The following S100Z variants were observed in gnomAD, a reference collection of about 807,000 sequenced individuals.
The protein encoded by S100Z is S100 calcium binding protein Z, also known as protein S100-Z.
Under a neutral mutation model 8.5 loss-of-function variants are expected in S100Z, and 11 were observed. The observed-to-expected ratio is 1.30, with a 90% CI of 0.82 to 2.15. S100Z has a LOEUF of 2.15. Among genes scored for constraint, S100Z ranks in the 30% most tolerant of loss-of-function variants. The probability of loss-of-function intolerance (pLI) is 0.00; values close to 1 mark genes in which losing one functional copy is unlikely to be tolerated. For missense variants in S100Z, 126 were observed against 117.9 expected, an observed-to-expected ratio of 1.07 and a Z score of -0.32; for synonymous variants, 34 against 43.8, an observed-to-expected ratio of 0.78 and a Z score of 0.89.
the S100Z span, among the ~76,000 whole-genome samples, chr5:76,948,129 C>T: frequency 5.3e-5 from 8 of 152,112 alleles, no homozygotes; most frequent in African/African-American, 1.9e-4. Flanking sequence ...AGTTCGAAAC[C>T]ATCATGGCCA....
intron 1 of S100Z, among the ~76,000 whole-genome samples, chr5:76,853,901 C>T (rs1038461262): frequency 6.6e-6 from 1 of 151,664 alleles, no homozygotes; most frequent in Non-Finnish European, 1.5e-5. Flanking sequence ...TAGCACCATC[C>T]CCTTGGTGCT....
chr5:76,852,113 C>T (rs533436413), intron 1 of S100Z, among the ~76,000 whole-genome samples: 28 of 151,702 alleles, frequency 1.8e-4, no homozygotes, highest in Non-Finnish European at 3.1e-4. Context: ...CATCTGGCAA[C>T]GATGATCTGG....
intron 4 of S100Z, among the ~76,000 whole-genome samples, chr5:76,914,735 C>T (rs990362041): frequency 2.6e-5 from 4 of 152,038 alleles, no homozygotes; most frequent in Non-Finnish European, 5.9e-5. Flanking sequence ...TGCAGCTTCA[C>T]TCCTGAAGCC....
In S100Z at chr5:76,875,401, A is replaced by T. The variant is rs750225484; in HGVS notation, c.42A>T (p.Arg14Ser). ...AGATGGCCATGGACACCATGATTAG[A>T]ATCTTCCACCGCTATTCTGGCAAGG... ...QLEMAMDTMIRIFHRYSGKER... is the reference protein window; with the variant it reads ...QLEMAMDTMISIFHRYSGKER... The change falls in exon 3 of 5, where the codon AGA becomes AGT. Residue 14 changes from arginine to serine, a missense_variant. Coordinates refer to ENST00000317593, the MANE Select transcript of S100Z (RefSeq NM_130772.4). The T allele has an allele frequency of 3.1e-6, 5 of 1,613,112 alleles. No homozygotes were observed. Among genetic ancestry groups the T allele is most frequent in the Non-Finnish European group, 4.2e-6 (5 of 1,179,666 alleles).
At chr5:76,893,732 G>T (rs2150663501) in intron 4 of S100Z, among the ~76,000 whole-genome samples, 1 of 152,278 alleles carries the variant, frequency 6.6e-6, no homozygotes, top group East Asian at 1.9e-4. Context: ...AGCACTAGGA[G>T]AAAGAGGTGT....
chr5:76,875,612 A>C, intron 3 of S100Z, 112 bp downstream of exon 3: 1 of 930,106 alleles, frequency 1.1e-6, no homozygotes, highest in Non-Finnish European at 1.6e-6. Context: ...ATGCAGCCAA[A>C]TTTGTACAGA....
intron 1 of S100Z, among the ~76,000 whole-genome samples, chr5:76,859,493 A>C (rs921695222): frequency 3.3e-5 from 5 of 152,082 alleles, no homozygotes; most frequent in Admixed American, 1.3e-4. Context: ...TAAAGTGAGA[A>C]GCCTCGGCCG....
intron 4 of S100Z, among the ~76,000 whole-genome samples, chr5:76,887,776 T>C (rs1214739192): frequency 6.6e-6 from 1 of 152,156 alleles, no homozygotes; most frequent in Non-Finnish European, 1.5e-5. Flanking sequence ...AATCTGCCAA[T>C]TGCTGACTTT....
chr5:76,892,273 G>A (rs1010791895), intron 4 of S100Z, among the ~76,000 whole-genome samples: 2 of 152,130 alleles, frequency 1.3e-5, no homozygotes, highest in Admixed American at 6.5e-5. Context: ...GAGATCGGTA[G>A]GATGGTATGG....
chr5:76,932,877 C>G, the S100Z span, among the ~76,000 whole-genome samples: 3 of 152,192 alleles, frequency 2.0e-5, no homozygotes, highest in Admixed American at 6.5e-5. Flanking sequence ...TTTAATGACT[C>G]TGTAATATTT....
chr5:76,856,362 G>A (rs948031471), intron 1 of S100Z, among the ~76,000 whole-genome samples: 2 of 152,106 alleles, frequency 1.3e-5, no homozygotes, highest in Admixed American at 1.3e-4. Flanking sequence ...ACCACACCTG[G>A]CCAATGTTTG....
intron 1 of S100Z, among the ~76,000 whole-genome samples, chr5:76,853,136 T>G (rs1163607194): frequency 6.6e-6 from 1 of 152,226 alleles, no homozygotes; most frequent in Non-Finnish European, 1.5e-5. Flanking sequence ...GTGATACAGT[T>G]CAGACACCTA....
chr5:76,863,699 C>A (rs1271236192), intron 1 of S100Z, among the ~76,000 whole-genome samples: 10 of 151,850 alleles, frequency 6.6e-5, no homozygotes, highest in Non-Finnish European at 1.5e-4. Context: ...CCACCACACC[C>A]AGCTAATTTT....
intron 4 of S100Z, among the ~76,000 whole-genome samples, chr5:76,888,266 A>G (rs1469728475): frequency 1.4e-5 from 2 of 147,276 alleles, no homozygotes; most frequent in Non-Finnish European, 1.5e-5. Context: ...CAAAAAAAAG[A>G]AAAAAAAAAG....
intron 4 of S100Z, among the ~76,000 whole-genome samples, chr5:76,888,299 C>T (rs1229253765): frequency 3.1e-4 from 42 of 136,098 alleles, no homozygotes; most frequent in African/African-American, 1.1e-3. Context: ...TTATTTTAGG[C>T]AGATAGAGAG....
intron 4 of S100Z, among the ~76,000 whole-genome samples, chr5:76,899,234 C>T (rs77218979): frequency 0.021 from 3,251 of 152,120 alleles, 130 homozygotes; most frequent in African/African-American, 0.073. Context: ...CACCCAGCCT[C>T]TTTATAGGTG....
chr5:76,903,340 G>A (rs1744302057), intron 4 of S100Z, among the ~76,000 whole-genome samples: 1 of 152,106 alleles, frequency 6.6e-6, no homozygotes, highest in Non-Finnish European at 1.5e-5. Context: ...TAGCCTTTGA[G>A]TCTGGTTTTT....
At chr5:76,945,090 C>G in the S100Z span, among the ~76,000 whole-genome samples, 4 of 152,176 alleles carry the variant, frequency 2.6e-5, no homozygotes, top group Non-Finnish European at 5.9e-5. Context: ...TAACTTTGCC[C>G]CAACCTTGAG....
chr5:76,919,368 T>A lies in S100Z; in HGVS notation c.*3-1349T>A, dbSNP rs1451646944. The stretch of plus-strand genomic sequence containing the variant: ...GCAGCATTTGGTGTTATCAGTGTTT[T>A]GGATTTTGGCCATTCTAATAAGTAT... On this transcript the variant is annotated intron_variant, in intron 4 of 4. Transcript: ENST00000317593. Among the ~76,000 whole-genome samples the A allele has an allele frequency of 2.6e-5, 4 of 152,366 alleles. No individual in the cohort carries two copies. The South Asian group carries it at 8.3e-4, about 32-fold the overall frequency.
Sources: gnomAD v4.1 joint callset for allele counts (sites outside exome capture counted in the v4.1 genomes callset) on GRCh38, gnomAD v4.1.1 for gene constraint, MANE v1.5 for transcripts, NCBI Gene and HGNC (gene_info 2026-07-23, HGNC 2026-07-21) for gene names.